Variants in TRIB2 observed in about 807,000 individuals in gnomAD.
TRIB2 encodes the protein tribbles pseudokinase 2, also known as tribbles homolog 2.
In TRIB2, 2 loss-of-function variants were observed where a neutral mutation model predicts 26.8. That is an observed-to-expected ratio of 0.07 (90% confidence interval 0.03 to 0.24). TRIB2 has a LOEUF of 0.24. TRIB2 is among the 10% of genes least tolerant of loss of function. The pLI is 1.00. For synonymous variants in TRIB2, 189 were observed against 187.3 expected (o/e 1.01, Z -0.08); for missense variants, 306 against 449.0 (o/e 0.68, Z 2.88).
At chr2:12,726,125 C>A (rs749054774) in intron 2 of TRIB2, among the ~76,000 whole-genome samples, 16 of 152,238 alleles carry the variant, frequency 1.1e-4, no homozygotes, top group Admixed American at 2.0e-4. Flanking sequence ...TCTGTCTGGG[C>A]AGCTCTGAGA....
chr2:12,717,420 G>A lies in TRIB2; in HGVS notation c.-888G>A, dbSNP rs917454578. On this transcript the variant is annotated 5_prime_UTR_variant, in exon 1 of 3. Transcript: ENST00000155926. The surrounding 1 kb of genome is among the most constrained non-coding windows in gnomAD (Gnocchi z 4.8). ...CTCTCCTGCACGTCTGGCTGCATTC[G>A]GAGGAAGACCTGGGGCGCGAGCGAG... 7.5e-6 allele frequency: 3 copies of A among 398,352 alleles called. No homozygotes were observed. Among genetic ancestry groups the A allele is most frequent in the Non-Finnish European group, 1.3e-5 (3 of 225,992 alleles). The allele number at this position is 398,352 out of a possible 1,614,324, so 24.7% of individuals were successfully genotyped here. A position where few individuals can be genotyped will look rare whatever the true frequency, so the allele number is the denominator to read the frequency against.
rs987967138 is a variant in TRIB2, at chr2:12,732,708, C to T, written c.564-7618C>T. Reference sequence around the variant, plus strand: ...TGACGTTCTAATGCAGCTGCCAGGCCGGCATGATGGTGCCAATGGTGCCAG... The same window carrying T: ...TGACGTTCTAATGCAGCTGCCAGGCTGGCATGATGGTGCCAATGGTGCCAG... On this transcript the variant is annotated intron_variant, in intron 2 of 2. Transcript: ENST00000155926. The surrounding 1 kb of genome is among the most constrained non-coding windows in gnomAD (Gnocchi z 4.2). 2.4e-4 allele frequency among the ~76,000 whole-genome samples: 36 copies of T among 152,232 alleles called. No homozygotes were observed. Among genetic ancestry groups the T allele is most frequent in the African/African-American group, 8.4e-4 (35 of 41,466 alleles).
In TRIB2 at chr2:12,737,202, C is replaced by T. The variant is rs115940590; in HGVS notation, c.564-3124C>T. Among the ~76,000 whole-genome samples, 883 of 152,332 alleles carry T rather than the reference C, an allele frequency of 5.8e-3. 12 individuals carry two copies. Among genetic ancestry groups the T allele is most frequent in the African/African-American group, 0.02 (843 of 41,564 alleles). ...CAGACGAACCTGGGCAAAACCTGGGCCCTTTGATACCAAGATCCATGCTTG... is the reference window on the plus strand; with the variant it reads ...CAGACGAACCTGGGCAAAACCTGGGTCCTTTGATACCAAGATCCATGCTTG... On this transcript the variant is annotated intron_variant, in intron 2 of 2. Transcript: ENST00000155926.
rs1193301549 is a variant in TRIB2 at position 12,723,460 on chromosome 2, C to T, written c.471C>T (p.Tyr157=). 6.2e-7 allele frequency: 1 copy of T among 1,614,194 alleles called. No individual in the cohort carries two copies. Among genetic ancestry groups the T allele is most frequent in the Non-Finnish European group, 8.5e-7 (1 of 1,180,032 alleles). The change falls in exon 2 of 3, where the codon TAC becomes TAT. Residue 157 remains tyrosine (Y), a synonymous_variant. Transcript: ENST00000155926. ...AGGAGGAGGCAGCCAGACTGTTCTACCAGATTGCCTCGGCAGTGGCCCACT... is the reference window on the plus strand; with the variant it reads ...AGGAGGAGGCAGCCAGACTGTTCTATCAGATTGCCTCGGCAGTGGCCCACT... ...LREEEAARLF[Y]QIASAVAHCH... is the part of the protein sequence containing the mutation.
Position 12,718,646 on chromosome 2 carries a change from C to T in TRIB2, c.270+69C>T, listed in dbSNP as rs1426126333. On this transcript the variant is annotated intron_variant, in intron 1 of 2. Transcript: ENST00000155926. This position sits in a 1 kb window ranked among gnomAD's most constrained non-coding sequence, Gnocchi z 4.0. ...AGGGAGCGGGAGGGCGCCAGGCCCTCGAGTCTGGGAGAGGGAGATTCGCGG... is the reference window on the plus strand; with the variant it reads ...AGGGAGCGGGAGGGCGCCAGGCCCTTGAGTCTGGGAGAGGGAGATTCGCGG... 6.4e-7 allele frequency: 1 copy of T among 1,565,694 alleles called. No individual in the cohort carries two copies. The highest frequency in any genetic ancestry group is 2.3e-5 in the East Asian group (1 of 44,106).
intron 2 of TRIB2, among the ~76,000 whole-genome samples, chr2:12,739,354 G>T (rs1441689546): frequency 1.3e-5 from 2 of 152,134 alleles, no homozygotes; most frequent in Non-Finnish European, 2.9e-5. Context: ...CCGCCTCCCG[G>T]GTTCAAACGA....
Position 12,717,223 on chromosome 2 carries a change from G to C in TRIB2, c.-1085G>C. The C allele has an allele frequency of 2.5e-6, 1 of 397,118 alleles. No homozygotes were observed. The highest frequency in any genetic ancestry group is 4.4e-6 in the Non-Finnish European group (1 of 225,528). The allele number at this position is 397,118 out of a possible 1,614,324, so 24.6% of individuals were successfully genotyped here. On this transcript the variant is annotated 5_prime_UTR_variant, in exon 1 of 3. Transcript: ENST00000155926. The surrounding 1 kb of genome is among the most constrained non-coding windows in gnomAD (Gnocchi z 4.8). ...CGGGCAATTTGGTCTCGGGGTAGGGGGAGACGGGGTGATTGCAAATTATTC... is the reference window on the plus strand; with the variant it reads ...CGGGCAATTTGGTCTCGGGGTAGGGCGAGACGGGGTGATTGCAAATTATTC...
rs777882618 is a variant in TRIB2 at position 12,740,500 on chromosome 2, C to T, written c.738C>T (p.Thr246=). The T allele has an allele frequency of 2.5e-6, 4 of 1,614,122 alleles. No homozygotes were observed. In the East Asian group the frequency reaches 8.9e-5, roughly 36 times the overall value. The stretch of plus-strand genomic sequence containing the variant: ...GGAGCCTGGGGGTGATGCTGTACAC[C>T]ATGTTGGTGGGGCGGTACCCTTTCC... ...DVWSLGVMLY[T]MLVGRYPFHD... is the part of the protein sequence containing the mutation. The change falls in exon 3 of 3, where the codon ACC becomes ACT. Residue 246 remains threonine (T), a synonymous_variant. Transcript: ENST00000155926. This position sits in a 1 kb window ranked among gnomAD's most constrained non-coding sequence, Gnocchi z 5.8.
intron 2 of TRIB2, among the ~76,000 whole-genome samples, chr2:12,734,612 T>C (rs959993843): frequency 6.6e-6 from 1 of 152,174 alleles, no homozygotes; most frequent in Non-Finnish European, 1.5e-5. Context: ...AGATCTACCA[T>C]GCTAGGCTCC....
At chr2:12,736,964 G>C (rs1352259498) in intron 2 of TRIB2, among the ~76,000 whole-genome samples, 1 of 152,176 alleles carries the variant, frequency 6.6e-6, no homozygotes, top group Non-Finnish European at 1.5e-5. Flanking sequence ...CACACAGTTG[G>C]GGAAGCACAA....
intron 2 of TRIB2, among the ~76,000 whole-genome samples, chr2:12,730,718 A>T (rs1661434483): frequency 1.3e-5 from 2 of 152,184 alleles, no homozygotes; most frequent in Admixed American, 1.3e-4. Flanking sequence ...GTGACCATTG[A>T]TGCCATGGAT....
chr2:12,733,581 G>A (rs929084672), intron 2 of TRIB2, among the ~76,000 whole-genome samples: 1 of 152,156 alleles, frequency 6.6e-6, no homozygotes, highest in African/African-American at 2.4e-5. Context: ...TTTGTTTTGA[G>A]AAATAAGGAT....
At chr2:12,737,156 A>G (rs1305815530) in intron 2 of TRIB2, among the ~76,000 whole-genome samples, 1 of 152,226 alleles carries the variant, frequency 6.6e-6, no homozygotes, top group Admixed American at 6.5e-5. Context: ...GATGAGCTGC[A>G]TCACCACTGC....
At position 12,741,092 on chromosome 2, in the gene TRIB2, T is replaced by G. The variant is rs1661701376; in HGVS notation, c.*298T>G. On this transcript the variant is annotated 3_prime_UTR_variant, in exon 3 of 3. Coordinates refer to ENST00000155926, the MANE Select transcript of TRIB2 (RefSeq NM_021643.4). ...CACTTCCGCCTACCCCACTTTTCAT[T>G]TTGTTCCAAAATAGTTGCAGATCCT... 2 of 339,454 alleles carry G rather than the reference T, an allele frequency of 5.9e-6. No individual in the cohort carries two copies. The highest frequency in any genetic ancestry group is 4.2e-5 in the African/African-American group (2 of 48,000). 21.0% of individuals were successfully genotyped at this position (339,454 alleles called of 1,614,324 possible). A position where few individuals can be genotyped will look rare whatever the true frequency, so the allele number is the denominator to read the frequency against.
At chr2:12,720,721 C>T (rs1226624505) in intron 1 of TRIB2, among the ~76,000 whole-genome samples, 1 of 152,124 alleles carries the variant, frequency 6.6e-6, no homozygotes, top group Admixed American at 6.5e-5. Context: ...TAGGGGACTG[C>T]GTAGAGAATT....
chr2:12,724,850 A>G lies in TRIB2; in HGVS notation c.563+1298A>G, dbSNP rs759875902. 3.7e-6 allele frequency: 6 copies of G among 1,605,626 alleles called. No individual in the cohort carries two copies. The South Asian group carries it at 6.7e-5, about 18-fold the overall frequency. On this transcript the variant is annotated intron_variant, in intron 2 of 2. Transcript: ENST00000155926. ...ATATTCTCATTTAGAAGATGAATAT[A>G]TGTTGACCCCCAACGATACTGACAA... is the stretch of plus-strand genomic sequence containing the variant.
intron 2 of TRIB2, chr2:12,724,504 T>G: frequency 1.4e-6 from 2 of 1,473,986 alleles, no homozygotes; most frequent in South Asian, 1.4e-5. Flanking sequence ...CCACATAATG[T>G]GGAGACCAGC....
rs571563860 is a variant in TRIB2 at position 12,741,874 on chromosome 2, C to G, written c.*1080C>G. 76 of 152,754 alleles carry G rather than the reference C, an allele frequency of 5.0e-4. 1 individual carries two copies. The highest frequency in any genetic ancestry group is 1.8e-3 in the African/African-American group (75 of 41,556). 9.5% of individuals were successfully genotyped at this position (152,754 alleles called of 1,614,324 possible). ...AGGCCCTCTGGTTTGGACAAAAACC[C>G]TCAGTAGAGACAAGCGGGAAGGATA... On this transcript the variant is annotated 3_prime_UTR_variant, in exon 3 of 3. Transcript: ENST00000155926.
At chr2:12,727,174 T>C (rs1354618160) in intron 2 of TRIB2, among the ~76,000 whole-genome samples, 1 of 152,244 alleles carries the variant, frequency 6.6e-6, no homozygotes, top group East Asian at 1.9e-4. Context: ...CATTGAATGT[T>C]TCTAAGCTGC....
Sources: gnomAD v4.1 joint callset for allele counts (sites outside exome capture counted in the v4.1 genomes callset) on GRCh38, gnomAD v4.1.1 for gene constraint, Gnocchi (gnomAD v3.1) non-coding constraint, MANE v1.5 for transcripts, NCBI Gene and HGNC (gene_info 2026-07-23, HGNC 2026-07-21) for gene names.